BARD1: variants seen among roughly 807,000 people sequenced by gnomAD.
BARD1 encodes the protein BRCA1-associated RING domain protein 1.
In BARD1, 73 loss-of-function variants were observed where a neutral mutation model predicts 77.0. The ratio of observed to expected loss-of-function variants is 0.95; its 90% CI spans 0.79 to 1.15. The LOEUF (loss-of-function observed/expected upper bound fraction) is 1.15, where lower values mean the gene tolerates loss of function less well. Ranked by LOEUF, BARD1 falls within the 50% of genes most tolerant of loss-of-function variation. The pLI is 0.00. For synonymous variants in BARD1, 384 were observed against 338.0 expected (o/e 1.14, Z -1.49); for missense variants, 993 against 938.8 (o/e 1.06, Z -0.75).
intron 9 of BARD1, among the ~76,000 whole-genome samples, chr2:214,743,449 G>A (rs544669710): frequency 5.9e-5 from 9 of 152,272 alleles, no homozygotes; most frequent in African/African-American, 2.2e-4. Context: ...ATAGTCACAG[G>A]AAGTTTCAAA....
At chr2:214,781,673 T>C (rs1695046189) in intron 3 of BARD1, among the ~76,000 whole-genome samples, 164 bp from the exon 4 acceptor site, 1 of 152,152 alleles carries the variant, frequency 6.6e-6, no homozygotes, top group Non-Finnish European at 1.5e-5. Flanking sequence ...AGATATTCAC[T>C]CATTCAATAC....
At chr2:214,739,458 T>A (rs79975841) in intron 9 of BARD1, among the ~76,000 whole-genome samples, 5,152 of 152,226 alleles carry the variant, frequency 0.034, 280 homozygotes, top group African/African-American at 0.12. Context: ...ACAAGTGTTT[T>A]GCAAATGATT....
intron 6 of BARD1, among the ~76,000 whole-genome samples, chr2:214,760,344 C>T (rs368975495): frequency 1.7e-4 from 26 of 152,092 alleles, no homozygotes; most frequent in Admixed American, 2.6e-4. Context: ...AGGCACACGC[C>T]GCCACACCCG....
chr2:214,756,483 T>C (rs1428102627), intron 6 of BARD1, among the ~76,000 whole-genome samples: 2 of 152,190 alleles, frequency 1.3e-5, no homozygotes, highest in African/African-American at 4.8e-5. Context: ...ACTGGGTGTC[T>C]ACCCAGAGGA....
chr2:214,772,121 A>G (rs1474410041), intron 4 of BARD1, among the ~76,000 whole-genome samples: 2 of 147,262 alleles, frequency 1.4e-5, no homozygotes, highest in South Asian at 4.4e-4. Flanking sequence ...ATACATCACC[A>G]TGCCCAGCTA....
At chr2:214,805,941 GGCTTCTACACT>G (rs1696250442) in intron 1 of BARD1, among the ~76,000 whole-genome samples, 2 of 152,114 alleles carry the variant, frequency 1.3e-5, no homozygotes, top group African/African-American at 4.8e-5. Context: ...TGACACCTGG[GGCTTCTACACT>G]GCAGCTCCTA....
chr2:214,750,535 T>C (rs1373704285), intron 7 of BARD1, among the ~76,000 whole-genome samples: 1 of 152,196 alleles, frequency 6.6e-6, no homozygotes, highest in East Asian at 1.9e-4. Context: ...CCATTCTCAC[T>C]TTGTACACCT....
In BARD1 at chr2:214,798,947, T is replaced by C. The variant is rs1381100590; in HGVS notation, c.159-1830A>G. On this transcript the variant is annotated intron_variant, in intron 1 of 10. Coordinates refer to ENST00000260947, the MANE Select transcript of BARD1 (RefSeq NM_000465.4). ...GCCTGGGCAACATGGTGAAACCCTG[T>C]CTCTACTAAAAATACAAAAATTAGC... is the stretch of plus-strand genomic sequence containing the variant. Among the ~76,000 whole-genome samples, 6 of 151,912 alleles carry C rather than the reference T, an allele frequency of 3.9e-5. No homozygotes were observed. In the East Asian group the frequency reaches 9.7e-4, roughly 24 times the overall value.
At chr2:214,755,178 G>T (rs539978115) in intron 6 of BARD1, among the ~76,000 whole-genome samples, 31 of 152,144 alleles carry the variant, frequency 2.0e-4, no homozygotes, top group African/African-American at 7.5e-4. Flanking sequence ...TGTATCTCAG[G>T]AACTATTAAC....
At position 214,725,658 on chromosome 2, in the gene BARD1, A is replaced by G. The variant is rs2105981198; in HGVS notation, c.*3018T>C. 1 of 210,534 alleles carries G rather than the reference A, an allele frequency of 4.7e-6. No homozygotes were observed. The highest frequency in any genetic ancestry group is 1.9e-4 in the South Asian group (1 of 5,368). The allele number at this position is 210,534 out of a possible 1,614,324, so 13.0% of individuals were successfully genotyped here. A position where few individuals can be genotyped will look rare whatever the true frequency, so the allele number is the denominator to read the frequency against. On this transcript the variant is annotated 3_prime_UTR_variant, in exon 11 of 11. Coordinates refer to ENST00000260947, the MANE Select transcript of BARD1 (RefSeq NM_000465.4). ...TCTTAAACGAAGACAACTTCTCAAT[A>G]TTTATTTATTCATTCAGTTTGATGT... is the stretch of plus-strand genomic sequence containing the variant.
chr2:214,736,304 A>T (rs748867), intron 9 of BARD1, among the ~76,000 whole-genome samples: 7 of 152,090 alleles, frequency 4.6e-5, no homozygotes, highest in Non-Finnish European at 8.8e-5. Flanking sequence ...AAAATCAAAT[A>T]AAAAACCATC....
At chr2:214,796,990 A>T in intron 2 of BARD1, 71 bp downstream of exon 2, 1 of 1,197,386 alleles carries the variant, frequency 8.4e-7, no homozygotes, top group Non-Finnish European at 1.2e-6. Flanking sequence ...CATTATTATC[A>T]ACAAGATTAC....
chr2:214,740,903 T>TG (rs1553614227), intron 9 of BARD1, among the ~76,000 whole-genome samples: 1 of 151,214 alleles, frequency 6.6e-6, no homozygotes, highest in Non-Finnish European at 1.5e-5. Flanking sequence ...TATACGAATG[T>TG]TTTTTTTTAA....
intron 4 of BARD1, among the ~76,000 whole-genome samples, chr2:214,778,248 T>C (rs1694823528): frequency 7.3e-6 from 1 of 136,262 alleles, no homozygotes; most frequent in Admixed American, 8.8e-5. Flanking sequence ...TATATTTATA[T>C]AAGCAAATCT....
intron 6 of BARD1, among the ~76,000 whole-genome samples, chr2:214,757,933 C>A (rs1184807549): frequency 2.0e-5 from 3 of 149,930 alleles, no homozygotes; most frequent in Non-Finnish European, 3.0e-5. Context: ...TTAGAACCAC[C>A]AAAAAAAAGG....
rs980655781 is a variant in BARD1, at chr2:214,770,670, A to C, written c.1315-1358T>G. On this transcript the variant is annotated intron_variant, in intron 4 of 10. Transcript: ENST00000260947. ...TCTGTGTCTTGTGTGTCATGATCCAACTAAATCCTACTATAAATGAGTAGA... is the reference window on the plus strand; with the variant it reads ...TCTGTGTCTTGTGTGTCATGATCCACCTAAATCCTACTATAAATGAGTAGA... Among the ~76,000 whole-genome samples, 5 of 152,298 alleles carry C rather than the reference A, an allele frequency of 3.3e-5. No homozygotes were observed. In the South Asian group the frequency reaches 1.0e-3, roughly 32 times the overall value.
intron 1 of BARD1, among the ~76,000 whole-genome samples, chr2:214,805,777 AAT>A (rs1333274912): frequency 6.6e-6 from 1 of 151,292 alleles, no homozygotes; most frequent in African/African-American, 2.5e-5. Context: ...GAAAAAAAAA[AAT>A]ACCTATCATA....
rs113025655 is a variant in BARD1 at position 214,809,073 on chromosome 2, C to T, written c.158+339G>A. On this transcript the variant is annotated intron_variant, in intron 1 of 10. Transcript: ENST00000260947. ...CAGGGCCGGGTAAAAAATGCAGAAGCCTCAGCCCCACCCCAGCCCGATTCA... is the reference window on the plus strand; with the variant it reads ...CAGGGCCGGGTAAAAAATGCAGAAGTCTCAGCCCCACCCCAGCCCGATTCA... 9.5e-3 allele frequency among the ~76,000 whole-genome samples: 1,451 copies of T among 152,284 alleles called. 30 individuals are homozygous for T. The highest frequency in any genetic ancestry group is 0.032 in the African/African-American group (1,342 of 41,554).
chr2:214,732,345 G>C (rs898579812), intron 9 of BARD1, among the ~76,000 whole-genome samples: 1 of 151,824 alleles, frequency 6.6e-6, no homozygotes, highest in Non-Finnish European at 1.5e-5. Flanking sequence ...TATAAATTAA[G>C]ATTCAGTTGT....
Sources: allele counts gnomAD v4.1 joint callset (sites outside exome capture counted in the v4.1 genomes callset), GRCh38; gene constraint gnomAD v4.1.1; transcripts MANE v1.5; gene names NCBI Gene and HGNC (gene_info 2026-07-23, HGNC 2026-07-21).